The following TAF3 variants were observed in gnomAD, a reference collection of about 807,000 sequenced individuals.
The protein encoded by TAF3 is TATA-box binding protein associated factor 3, also known as transcription initiation factor TFIID subunit 3.
Under a neutral mutation model 80.6 loss-of-function variants are expected in TAF3, and 7 were observed. The ratio of observed to expected loss-of-function variants is 0.09; its 90% CI spans 0.05 to 0.16. The LOEUF (loss-of-function observed/expected upper bound fraction) is 0.16. Ranked by LOEUF, TAF3 falls within the 10% of genes least tolerant of loss-of-function variation. The pLI is 1.00. For synonymous variants in TAF3, 444 were observed against 446.1 expected, an observed-to-expected ratio of 1.00 and a Z score of 0.06; for missense variants, 921 against 1,140.2, an observed-to-expected ratio of 0.81 and a Z score of 2.77.
rs184739285 is a variant in TAF3 at position 7,926,901 on chromosome 10, A to G, written c.410-37019A>G. On this transcript the variant is annotated intron_variant, in intron 2 of 6. Transcript: ENST00000344293. ...TTTAGTATTAACAATGTCAGAGAGA[A>G]GAGTATTTTACTGTTTGGTTCAACG... 1.2e-4 allele frequency among the ~76,000 whole-genome samples: 19 copies of G among 152,324 alleles called. 1 individual carries two copies. The highest frequency in any genetic ancestry group is 4.3e-4 in the African/African-American group (18 of 41,580).
intron 2 of TAF3, among the ~76,000 whole-genome samples, chr10:7,840,236 T>A (rs1454200520): frequency 2.6e-5 from 4 of 151,108 alleles, no homozygotes; most frequent in Non-Finnish European, 5.9e-5. Flanking sequence ...CACTGCAAAC[T>A]CCACCTCATG....
chr10:7,907,375 T>C lies in TAF3; in HGVS notation c.410-56545T>C, dbSNP rs183604269. Among the ~76,000 whole-genome samples the C allele has an allele frequency of 3.7e-3, 566 of 152,270 alleles. 11 individuals carry two copies. The highest frequency in any genetic ancestry group is 1.3e-3 in the Non-Finnish European group (89 of 68,024). On this transcript the variant is annotated intron_variant, in intron 2 of 6. Coordinates refer to ENST00000344293, the MANE Select transcript of TAF3 (RefSeq NM_031923.4). ...TGCTGGCAGATGAGATAATTTTAGATAAAAAACAAATGGGCATTTAGATTT... is the reference window on the plus strand; with the variant it reads ...TGCTGGCAGATGAGATAATTTTAGACAAAAAACAAATGGGCATTTAGATTT...
At chr10:8,011,342 C>T (rs1465621275) in intron 5 of TAF3, among the ~76,000 whole-genome samples, 1 of 152,170 alleles carries the variant, frequency 6.6e-6, no homozygotes, top group Non-Finnish European at 1.5e-5. Flanking sequence ...CAGCCTCGAC[C>T]TCCTGGGCCC....
chr10:7,818,927 A>G (rs1019814011), intron 1 of TAF3, 52 bp downstream of exon 1: 1 of 1,347,140 alleles, frequency 7.4e-7, no homozygotes, highest in African/African-American at 1.5e-5. Context: ...CAAGGGTGAC[A>G]CCTTCGCTCT....
chr10:8,014,932 G>T lies in TAF3; in HGVS notation c.*181G>T. On this transcript the variant is annotated 3_prime_UTR_variant, in exon 7 of 7. Transcript: ENST00000344293. ...GATTGTTCACTCCCGAGCCGCCTTG[G>T]CCTGTGGCTCCGTGGCAGTGCGACA... is the stretch of plus-strand genomic sequence containing the variant. 1 of 514,452 alleles carries T rather than the reference G, an allele frequency of 1.9e-6. No homozygotes were observed. Among genetic ancestry groups the T allele is most frequent in the Non-Finnish European group, 3.4e-6 (1 of 291,116 alleles). 31.9% of individuals were successfully genotyped at this position (514,452 alleles called of 1,614,324 possible). A position where few individuals can be genotyped will look rare whatever the true frequency, so the allele number is the denominator to read the frequency against.
At position 7,964,296 on chromosome 10, in the gene TAF3, A is replaced by G. The variant is rs757475308; in HGVS notation, c.786A>G (p.Pro262=). Residue 262 remains proline (P), a synonymous_variant, in exon 3 of 7, where the codon CCA becomes CCG. Coordinates refer to ENST00000344293, the MANE Select transcript of TAF3 (RefSeq NM_031923.4). The surrounding 1 kb of genome is among the most constrained non-coding windows in gnomAD (Gnocchi z 4.1). ...AATCACAAATGCCAACTGCAAAACC[A>G]TTAGAAACAAAGTCATTTACACCTA... The part of the protein sequence containing the change: ...VAKSQMPTAK[P]LETKSFTPKT... 1 of 1,614,210 alleles carries G rather than the reference A, an allele frequency of 6.2e-7. No individual in the cohort carries two copies. The highest frequency in any genetic ancestry group is 8.5e-7 in the Non-Finnish European group (1 of 1,180,036).
chr10:7,844,838 G>T (rs1400726911), intron 2 of TAF3, among the ~76,000 whole-genome samples: 1 of 151,694 alleles, frequency 6.6e-6, no homozygotes, highest in African/African-American at 2.4e-5. Context: ...TTGTTCCTGT[G>T]TATTTTTTGT....
intron 2 of TAF3, among the ~76,000 whole-genome samples, chr10:7,954,392 A>G (rs10737026): frequency 0.37 from 38,041 of 102,058 alleles, 9,975 homozygotes; most frequent in Admixed American, 0.53. Flanking sequence ...CTCCATAGGC[A>G]AATGAGTGAA....
chr10:7,865,627 G>C (rs1310960162), intron 2 of TAF3, among the ~76,000 whole-genome samples: 3 of 152,222 alleles, frequency 2.0e-5, no homozygotes, highest in Admixed American at 2.0e-4. Flanking sequence ...TAGCAGCCCC[G>C]GCAGGGTGGA....
At chr10:7,900,230 G>A (rs1389478791) in intron 2 of TAF3, among the ~76,000 whole-genome samples, 1 of 152,034 alleles carries the variant, frequency 6.6e-6, no homozygotes, top group Admixed American at 6.6e-5. Context: ...ATTTCTTATT[G>A]CCAAAATAAG....
At chr10:7,863,650 C>CACACACACACACATATATAT (rs1837173835) in intron 2 of TAF3, among the ~76,000 whole-genome samples, 3 of 93,682 alleles carry the variant, frequency 3.2e-5, no homozygotes, top group Non-Finnish European at 4.3e-5. Flanking sequence ...TATATATACA[C>CACACACACACACATATATAT]ACACACATAT....
At chr10:7,846,390 G>C (rs1429872975) in intron 2 of TAF3, among the ~76,000 whole-genome samples, 2 of 152,116 alleles carry the variant, frequency 1.3e-5, no homozygotes, top group Admixed American at 1.3e-4. Context: ...TTTCTAATTT[G>C]ATAGTTGCTT....
intron 2 of TAF3, among the ~76,000 whole-genome samples, chr10:7,878,330 G>A (rs1374347907): frequency 1.3e-5 from 2 of 152,192 alleles, no homozygotes; most frequent in Admixed American, 1.3e-4. Flanking sequence ...CTCTCCAACT[G>A]CACACAGTGT....
intron 2 of TAF3, among the ~76,000 whole-genome samples, chr10:7,829,025 G>A (rs1288066533): frequency 9.0e-5 from 6 of 66,524 alleles, no homozygotes; most frequent in Admixed American, 2.8e-4. Flanking sequence ...GTGAGACTCC[G>A]TCTCAAAAAA....
chr10:7,842,971 G>A (rs150828027), intron 2 of TAF3, among the ~76,000 whole-genome samples: 18 of 152,218 alleles, frequency 1.2e-4, no homozygotes, highest in East Asian at 3.9e-4. Context: ...AATATCCTCC[G>A]GAATTCTTTC....
chr10:7,821,804 A>T (rs1391575821), intron 1 of TAF3, among the ~76,000 whole-genome samples: 1 of 152,218 alleles, frequency 6.6e-6, no homozygotes, highest in African/African-American at 2.4e-5. Flanking sequence ...TGTAGGCTAT[A>T]GATTCTGGGG....
intron 2 of TAF3, among the ~76,000 whole-genome samples, chr10:7,890,079 G>A (rs1348871909): frequency 2.0e-5 from 3 of 152,148 alleles, no homozygotes; most frequent in African/African-American, 4.8e-5. Context: ...CTTGGCCATG[G>A]CAGGTAAGAC....
intron 2 of TAF3, among the ~76,000 whole-genome samples, chr10:7,876,761 A>AGTT (rs886174882): frequency 1.3e-5 from 2 of 152,170 alleles, no homozygotes; most frequent in Non-Finnish European, 2.9e-5. Context: ...TTTCCACTGA[A>AGTT]GTTGTCATCT....
intron 2 of TAF3, among the ~76,000 whole-genome samples, chr10:7,828,867 C>G (rs926764639): frequency 1.4e-5 from 2 of 147,176 alleles, no homozygotes; most frequent in Non-Finnish European, 3.0e-5. Context: ...AACCCTGCCT[C>G]TACTGAAAAT....
Sources: gnomAD v4.1 joint callset for allele counts (sites outside exome capture counted in the v4.1 genomes callset) on GRCh38, gnomAD v4.1.1 for gene constraint, Gnocchi (gnomAD v3.1) non-coding constraint, MANE v1.5 for transcripts, NCBI Gene and HGNC (gene_info 2026-07-23, HGNC 2026-07-21) for gene names.